Variants in KDM5A observed in about 807,000 individuals in gnomAD.
The protein encoded by KDM5A is lysine demethylase 5A.
A neutral mutation model predicts 193.5 loss-of-function variants in KDM5A; 42 were observed. That is an observed-to-expected ratio of 0.22 (90% CI 0.17 to 0.28). The LOEUF is 0.28. KDM5A is among the 10% of genes least tolerant of loss of function. The pLI, the probability that KDM5A is intolerant of heterozygous loss-of-function variation, is 1.00. For missense variants in KDM5A, 1,692 were observed against 2,055.1 expected (o/e 0.82, Z 3.42); for synonymous variants, 796 against 718.1 (o/e 1.11, Z -1.73).
At chr12:380,022 A>G (rs1355063401) in intron 3 of KDM5A, among the ~76,000 whole-genome samples, 3 of 152,122 alleles carry the variant, frequency 2.0e-5, no homozygotes, top group Admixed American at 2.0e-4. Flanking sequence ...TAATCCCACC[A>G]TTTTGGGAGG....
At chr12:309,662 T>G in intron 22 of KDM5A, 141 bp downstream of exon 22, 1 of 870,446 alleles carries the variant, frequency 1.1e-6, no homozygotes, top group Non-Finnish European at 1.8e-6. Flanking sequence ...AAATATTTAC[T>G]TTTAATGTGA....
At chr12:308,055 C>CA (rs1249153971) in intron 22 of KDM5A, 50 bp from the exon 23 acceptor site, 1 of 1,542,840 alleles carries the variant, frequency 6.5e-7, no homozygotes, top group South Asian at 1.1e-5. Context: ...ATATACCCCC[C>CA]AAAATACCAA....
intron 27 of KDM5A, among the ~76,000 whole-genome samples, chr12:289,131 TAGGAATGGGTAA>T (rs1943256518): frequency 6.6e-6 from 1 of 151,828 alleles, no homozygotes; most frequent in African/African-American, 2.4e-5. Flanking sequence ...CTCATGGAAG[TAGGAATGGGTAA>T]AGGAAAAGGC....
chr12:381,574 AAG>A (rs1565553922), intron 3 of KDM5A, among the ~76,000 whole-genome samples: 3 of 127,422 alleles, frequency 2.4e-5, no homozygotes, highest in African/African-American at 1.6e-4. Flanking sequence ...TCCCTATAAG[AAG>A]AAACCCACCA....
At chr12:292,620 TAGA>T in intron 27 of KDM5A, 136 bp downstream of exon 27, 1 of 1,050,292 alleles carries the variant, frequency 9.5e-7, no homozygotes, top group South Asian at 1.4e-5. Context: ...AAACAGTTTA[TAGA>T]AATTGTACAA....
At chr12:372,813 T>A (rs920021418) in intron 3 of KDM5A, among the ~76,000 whole-genome samples, 3 of 152,206 alleles carry the variant, frequency 2.0e-5, no homozygotes, top group Non-Finnish European at 4.4e-5. Context: ...CATTGTTGAA[T>A]TTTGTCAAAG....
chr12:329,274 A>G (rs1416589137), intron 13 of KDM5A: 1 of 527,996 alleles, frequency 1.9e-6, no homozygotes, highest in Non-Finnish European at 3.4e-6. Flanking sequence ...CTAAACTGCT[A>G]ATTTTCTATT....
chr12:300,244 C>T (rs1565526146), intron 24 of KDM5A, among the ~76,000 whole-genome samples: 2 of 152,134 alleles, frequency 1.3e-5, no homozygotes, highest in Non-Finnish European at 2.9e-5. Flanking sequence ...TGCTCAGCAC[C>T]ACATCATACT....
At chr12:319,795 C>G (rs1278898952) in intron 18 of KDM5A, among the ~76,000 whole-genome samples, 2 of 152,054 alleles carry the variant, frequency 1.3e-5, no homozygotes, top group Non-Finnish European at 2.9e-5. Context: ...TTTAAGATGC[C>G]TTTTAGTCCA....
In KDM5A at chr12:285,677, A is replaced by G. The variant is rs1454395397; in HGVS notation, c.4867-15T>C. On this transcript the variant is annotated splice_polypyrimidine_tract_variant and intron_variant, in intron 27 of 27. Transcript: ENST00000399788. ...ACCCAGTCTACCTGTAGGAAACAAGATTGGGGAATGTTTAGGTTACATAAA... is the reference window on the plus strand; with the variant it reads ...ACCCAGTCTACCTGTAGGAAACAAGGTTGGGGAATGTTTAGGTTACATAAA... The G allele has an allele frequency of 6.2e-7, 1 of 1,608,710 alleles. No individual in the cohort carries two copies. The highest frequency in any genetic ancestry group is 1.3e-5 in the African/African-American group (1 of 74,802).
At position 331,644 on chromosome 12, in the gene KDM5A, T is replaced by TA. The variant is rs988543211; in HGVS notation, c.1773+174dup. On this transcript the variant is annotated intron_variant, in intron 13 of 27. Transcript: ENST00000399788. The stretch of plus-strand genomic sequence containing the variant: ...AAGAAGAACTATAAAATCTTCAAAA[T>TA]AAAAAATGTGATGGAAATCTACTTA... 2.0e-5 allele frequency among the ~76,000 whole-genome samples: 3 copies of TA among 152,060 alleles called. No individual in the cohort carries two copies. The South Asian group carries it at 6.2e-4, about 32-fold the overall frequency.
At chr12:302,366 C>G (rs540809004) in intron 24 of KDM5A, among the ~76,000 whole-genome samples, 4 of 152,128 alleles carry the variant, frequency 2.6e-5, no homozygotes, top group African/African-American at 9.7e-5. Flanking sequence ...AGAAATAACA[C>G]CATACATCTA....
intron 16 of KDM5A, 130 bp from the exon 17 acceptor site, chr12:322,697 A>C: frequency 1.3e-6 from 1 of 779,122 alleles, no homozygotes; most frequent in Admixed American, 2.3e-5. Context: ...GTAGAAACAA[A>C]CAGCTGTGAA....
chr12:383,183 G>A lies in KDM5A; in HGVS notation c.366+848C>T, dbSNP rs544108000. 7.3e-5 allele frequency among the ~76,000 whole-genome samples: 11 copies of A among 150,568 alleles called. 2 individuals are homozygous for A. The highest frequency in any genetic ancestry group is 6.0e-4 in the Admixed American group (9 of 14,882). On this transcript the variant is annotated intron_variant, in intron 3 of 27. Coordinates refer to ENST00000399788, the MANE Select transcript of KDM5A (RefSeq NM_001042603.3). ...AATATATACCACACATAAGAATGCT[G>A]AGAAACATGAGTTTCTTTAATATGC... is the stretch of plus-strand genomic sequence containing the variant.
intron 25 of KDM5A, 69 bp from the exon 26 acceptor site, chr12:295,862 C>CAAAT (rs763772581): frequency 5.0e-6 from 7 of 1,397,652 alleles, no homozygotes; most frequent in Non-Finnish European, 7.1e-6. Flanking sequence ...GTTTTCAAAG[C>CAAAT]AAATATTGAG....
chr12:355,998 A>G (rs1463405149), intron 6 of KDM5A, among the ~76,000 whole-genome samples: 1 of 152,246 alleles, frequency 6.6e-6, no homozygotes, highest in Non-Finnish European at 1.5e-5. Flanking sequence ...AGTTTATTCA[A>G]ATGAACTGAC....
intron 27 of KDM5A, chr12:286,131 T>A: frequency 2.0e-6 from 1 of 495,770 alleles, no homozygotes; most frequent in Non-Finnish European, 4.2e-6. Context: ...AATACCTTTT[T>A]AGAAAAGCAG....
At chr12:376,089 C>A (rs1944500237) in intron 3 of KDM5A, among the ~76,000 whole-genome samples, 2 of 152,150 alleles carry the variant, frequency 1.3e-5, no homozygotes, top group Non-Finnish European at 2.9e-5. Context: ...CTGGGAGAAC[C>A]ACTGCTCTCT....
At chr12:316,242 A>C (rs1272288501) in intron 19 of KDM5A, among the ~76,000 whole-genome samples, 7 of 152,210 alleles carry the variant, frequency 4.6e-5, no homozygotes, top group Admixed American at 4.6e-4. Context: ...TACCAGTTTT[A>C]CTTTTTTCAT....
Sources: gnomAD v4.1 joint callset for allele counts (sites outside exome capture counted in the v4.1 genomes callset) on GRCh38, gnomAD v4.1.1 for gene constraint, MANE v1.5 for transcripts, NCBI Gene and HGNC (gene_info 2026-07-23, HGNC 2026-07-21) for gene names.